ATXN2: variants seen among roughly 807,000 people sequenced by gnomAD.
The protein encoded by ATXN2 is ataxin 2.
In ATXN2, 37 loss-of-function variants were observed where a neutral mutation model predicts 138.6. The ratio of observed to expected loss-of-function variants is 0.27; its 90% CI spans 0.21 to 0.35. The LOEUF (loss-of-function observed/expected upper bound fraction) is 0.35. ATXN2 is among the 10% of genes least tolerant of loss of function. ATXN2 has a pLI of 1.00. For missense variants in ATXN2, 1,216 were observed against 1,480.3 expected (o/e 0.82, Z 2.93); for synonymous variants, 549 against 543.7 (o/e 1.01, Z -0.13).
chr12:111,551,471 T>C (rs1321971406), intron 5 of ATXN2, among the ~76,000 whole-genome samples: 1 of 152,172 alleles, frequency 6.6e-6, no homozygotes. Context: ...ATAATCGCTT[T>C]TAAATTCTCA....
chr12:111,568,990 T>G (rs1182856832), intron 1 of ATXN2, among the ~76,000 whole-genome samples: 1 of 109,152 alleles, frequency 9.2e-6, no homozygotes, highest in Non-Finnish European at 1.6e-5. Context: ...AGCTAGAGTT[T>G]TTTTTGTTTT....
At chr12:111,597,962 C>A in intron 1 of ATXN2, 1 of 1,230,770 alleles carries the variant, frequency 8.1e-7, no homozygotes, top group Non-Finnish European at 1.0e-6. Context: ...AACAGCAATG[C>A]GGATCGGCCA....
intron 1 of ATXN2, among the ~76,000 whole-genome samples, chr12:111,560,027 C>T (rs1223932363): frequency 1.3e-5 from 2 of 151,952 alleles, no homozygotes; most frequent in Non-Finnish European, 2.9e-5. Flanking sequence ...GGAAAGAGAG[C>T]TGGGAGGACT....
intron 21 of ATXN2, chr12:111,458,429 G>C (rs115875695): frequency 6.6e-6 from 1 of 152,176 alleles, no homozygotes; most frequent in Admixed American, 6.5e-5. Context: ...TGCCTGGCCT[G>C]TTCATGTGCT....
At chr12:111,478,275 G>A (rs139243033) in intron 18 of ATXN2, among the ~76,000 whole-genome samples, 9 of 152,166 alleles carry the variant, frequency 5.9e-5, no homozygotes, top group Middle Eastern at 3.4e-3. Flanking sequence ...GCATGGTGGC[G>A]CATGCCTGTA....
rs1244272904 is a variant in ATXN2, at chr12:111,516,555, CTTAAGA to C, written c.1166-198_1166-193del. 4.6e-5 allele frequency among the ~76,000 whole-genome samples: 7 copies of C among 152,088 alleles called. No individual in the cohort carries two copies. The highest frequency in any genetic ancestry group is 3.3e-4 in the Admixed American group (5 of 15,274). ...TAAATTCACATTTTACTTTAACCTC[CTTAAGA>C]TTAAGTCTGTTTAAATGAATACACG... On this transcript the variant is annotated intron_variant, in intron 9 of 24. Coordinates refer to ENST00000673436, the MANE Select transcript of ATXN2 (RefSeq NM_001372574.1). The surrounding 1 kb of genome is among the most constrained non-coding windows in gnomAD (Gnocchi z 5.0).
intron 2 of ATXN2, 71 bp from the exon 3 acceptor site, chr12:111,554,288 G>T: frequency 9.2e-7 from 1 of 1,090,012 alleles, no homozygotes; most frequent in Non-Finnish European, 1.2e-6. Context: ...TAAAATGCTT[G>T]GGACCAGAAG....
intron 18 of ATXN2, chr12:111,478,980 G>C (rs922460187): frequency 5.4e-5 from 13 of 242,264 alleles, no homozygotes; most frequent in Non-Finnish European, 7.8e-5. Context: ...CTGAACTCCA[G>C]CCTGGGCAAC....
Position 111,470,618 on chromosome 12 carries a change from G to A in ATXN2, c.2649C>T (p.Tyr883=). Residue 883 remains tyrosine (Y), a synonymous_variant, in exon 19 of 25, where the codon TAC becomes TAT. Coordinates refer to ENST00000673436, the MANE Select transcript of ATXN2 (RefSeq NM_001372574.1). The part of the protein sequence containing the change: ...PPAYSTQYVA[Y]SPQQFPNQPL... Reference sequence around the variant, plus strand: ...GCTGATTTGGGAACTGCTGAGGACTGTAGGCAACATATTGCGTGGAGTAAG... The same window carrying A: ...GCTGATTTGGGAACTGCTGAGGACTATAGGCAACATATTGCGTGGAGTAAG... 5 of 1,614,176 alleles carry A rather than the reference G, an allele frequency of 3.1e-6. No homozygotes were observed. The highest frequency in any genetic ancestry group is 4.2e-6 in the Non-Finnish European group (5 of 1,180,026).
intron 1 of ATXN2, chr12:111,581,663 GC>G: frequency 1.4e-6 from 1 of 724,486 alleles, no homozygotes; most frequent in Admixed American, 1.8e-5. Context: ...CCTGATCAGG[GC>G]CCAGGCCTAT....
intron 1 of ATXN2, among the ~76,000 whole-genome samples, chr12:111,581,948 A>T (rs989191029): frequency 2.6e-4 from 37 of 139,968 alleles, no homozygotes; most frequent in Non-Finnish European, 3.8e-4. Context: ...TTTCTGGTTT[A>T]AAAAAAAAAA....
intron 18 of ATXN2, among the ~76,000 whole-genome samples, chr12:111,478,065 G>A (rs948027781): frequency 6.6e-6 from 1 of 151,846 alleles, no homozygotes; most frequent in Non-Finnish European, 1.5e-5. Flanking sequence ...CAAAGTGCTG[G>A]AATTACAGGC....
chr12:111,587,073 CA>C lies in ATXN2; in HGVS notation c.251+11710del, dbSNP rs374631048. On this transcript the variant is annotated intron_variant, in intron 1 of 24. Coordinates refer to ENST00000673436, the MANE Select transcript of ATXN2 (RefSeq NM_001372574.1). The stretch of plus-strand genomic sequence containing the variant: ...AACATAACAAGACCCCCATTTCTAC[CA>C]AAAAAAAAAAAAAAAAAAAGAACTC... Among the ~76,000 whole-genome samples, 103 of 112,902 alleles carry C rather than the reference CA, an allele frequency of 9.1e-4. No homozygotes were observed. In the East Asian group the frequency reaches 0.018, roughly 20 times the overall value. 74.1% of individuals were successfully genotyped at this position (112,902 alleles called of 152,430 possible).
intron 5 of ATXN2, among the ~76,000 whole-genome samples, chr12:111,532,124 G>T (rs370780213): frequency 2.0e-5 from 3 of 152,308 alleles, no homozygotes; most frequent in African/African-American, 7.2e-5. Flanking sequence ...GCTGAGGTGG[G>T]AGGACTGCCT....
Position 111,598,916 on chromosome 12 carries a change from C to T in ATXN2, c.119G>A (p.Gly40Asp). ...PPAAANVRKP[G>D]GSGLLASPAA... ...GGGCGACGCTAGAAGGCCGCTGCCG[C>T]CGGGCTTGCGGACATTGGCAGCCGC... The change falls in exon 1 of 25, where the codon GGC becomes GAC. Residue 40 changes from glycine to aspartate, a missense_variant. Physicochemically the swap from Gly to Asp is moderately conservative, Grantham distance 94. This residue lies in a region of ATXN2 where 110 missense variants were observed against 88.7 expected (regional missense o/e 1.24). Transcript: ENST00000673436. The surrounding 1 kb of genome is among the most constrained non-coding windows in gnomAD (Gnocchi z 4.5). The T allele has an allele frequency of 6.6e-7, 1 of 1,509,620 alleles. No homozygotes were observed. Among genetic ancestry groups the T allele is most frequent in the African/African-American group, 1.4e-5 (1 of 70,132 alleles). 93.5% of individuals were successfully genotyped at this position (1,509,620 alleles called of 1,614,324 possible). A position where few individuals can be genotyped will look rare whatever the true frequency, so the allele number is the denominator to read the frequency against.
At chr12:111,540,989 C>A (rs1341560280) in intron 5 of ATXN2, among the ~76,000 whole-genome samples, 1 of 150,162 alleles carries the variant, frequency 6.7e-6, no homozygotes, top group Non-Finnish European at 1.5e-5. Flanking sequence ...GAGCACCACA[C>A]CCGGCCTAAA....
chr12:111,494,252 A>G (rs1005973570), intron 14 of ATXN2, among the ~76,000 whole-genome samples: 7 of 152,012 alleles, frequency 4.6e-5, no homozygotes, highest in Admixed American at 1.3e-4. Flanking sequence ...TTTTTAAGAC[A>G]TAGTATAATA....
At chr12:111,466,445 G>A (rs1432331259) in intron 20 of ATXN2, among the ~76,000 whole-genome samples, 1 of 152,086 alleles carries the variant, frequency 6.6e-6, no homozygotes, top group Non-Finnish European at 1.5e-5. Flanking sequence ...AGCGTGCAGT[G>A]AGCTGAGATC....
intron 1 of ATXN2, among the ~76,000 whole-genome samples, chr12:111,573,399 T>A (rs1883451907): frequency 6.6e-6 from 1 of 152,180 alleles, no homozygotes. Flanking sequence ...TTTTGTCATG[T>A]TGGCCAGGCT....
Sources: allele counts gnomAD v4.1 joint callset (sites outside exome capture counted in the v4.1 genomes callset), GRCh38; gene constraint gnomAD v4.1.1; regional missense constraint gnomAD v4.1.1; non-coding constraint Gnocchi (gnomAD v3.1); transcripts MANE v1.5; gene names NCBI Gene and HGNC (gene_info 2026-07-23, HGNC 2026-07-21).